Variants in VMP1 observed in about 807,000 individuals in gnomAD.
VMP1 encodes the protein vacuole membrane protein 1, also known as ectopic P-granules autophagy protein 3 homolog.
VMP1 carries 11 observed loss-of-function variants against 56.0 expected under a neutral mutation model. That is an observed-to-expected ratio of 0.20 (90% CI 0.12 to 0.32). The LOEUF (loss-of-function observed/expected upper bound fraction) is 0.32, where lower values mean the gene tolerates loss of function less well. VMP1 is among the 10% of genes least tolerant of loss of function. VMP1 has a pLI of 1.00. For synonymous variants in VMP1, 149 were observed against 165.0 expected (o/e 0.90, Z 0.74); for missense variants, 296 against 490.3 (o/e 0.60, Z 3.74).
rs569791439 is a variant in VMP1, at chr17:59,801,974, G to A, written c.715-6822G>A. On this transcript the variant is annotated intron_variant, in intron 7 of 11. Transcript: ENST00000262291. The stretch of plus-strand genomic sequence containing the variant: ...CCAGCACTTTGGGAGGCCAAGGTGG[G>A]CAGATCACTTGAGGTCAGGAGTTCG... Among the ~76,000 whole-genome samples, 100 of 152,200 alleles carry A rather than the reference G, an allele frequency of 6.6e-4. 1 individual carries two copies. The South Asian group carries it at 0.021, about 32-fold the overall frequency.
chr17:59,798,905 G>T lies in VMP1; in HGVS notation c.715-9891G>T, dbSNP rs571232450. ...CCGTCTCAAAAGAAAAAAATAAAAA[G>T]AAAAAGCAAGATGTAATTTGTTACC... On this transcript the variant is annotated intron_variant, in intron 7 of 11. Coordinates refer to ENST00000262291, the MANE Select transcript of VMP1 (RefSeq NM_030938.5). Among the ~76,000 whole-genome samples the T allele has an allele frequency of 1.1e-4, 17 of 152,176 alleles. No individual in the cohort carries two copies. In the South Asian group the frequency reaches 2.9e-3, roughly 26 times the overall value.
intron 5 of VMP1, among the ~76,000 whole-genome samples, chr17:59,762,734 AG>A (rs2036101679): frequency 6.6e-6 from 1 of 152,208 alleles, no homozygotes; most frequent in Non-Finnish European, 1.5e-5. Flanking sequence ...GTGAATGAAC[AG>A]ACTTCTTTAG....
chr17:59,814,290 T>G (rs1424160719), intron 9 of VMP1, among the ~76,000 whole-genome samples: 7 of 152,206 alleles, frequency 4.6e-5, no homozygotes, highest in Admixed American at 4.6e-4. Flanking sequence ...GAGTGATTTT[T>G]TTATGGAACT....
chr17:59,807,156 T>G (rs1161756969), intron 7 of VMP1, among the ~76,000 whole-genome samples: 1 of 151,976 alleles, frequency 6.6e-6, no homozygotes, highest in Non-Finnish European at 1.5e-5. Flanking sequence ...ACTTTGTTTC[T>G]CCTCTCTATG....
chr17:59,711,927 C>T (rs2033947351), intron 1 of VMP1, among the ~76,000 whole-genome samples: 1 of 152,162 alleles, frequency 6.6e-6, no homozygotes, highest in South Asian at 2.1e-4. Context: ...CCTGGAAGGA[C>T]TAGGCAGGTA....
At chr17:59,809,304 CTTTTTTTT>C (rs57274450) in intron 8 of VMP1, among the ~76,000 whole-genome samples, 10 of 33,430 alleles carry the variant, frequency 3.0e-4, no homozygotes, top group Non-Finnish European at 4.4e-4. Context: ...GCCCATTCAA[CTTTTTTTT>C]TTTTTTTTTT....
intron 9 of VMP1, among the ~76,000 whole-genome samples, chr17:59,814,114 G>A (rs1401409359): frequency 2.6e-5 from 4 of 152,110 alleles, no homozygotes; most frequent in Admixed American, 2.6e-4. Context: ...CAGAGTAAGT[G>A]GGACTACAGG....
intron 10 of VMP1, among the ~76,000 whole-genome samples, chr17:59,825,382 T>G (rs1238539888): frequency 6.6e-6 from 1 of 152,082 alleles, no homozygotes; most frequent in Non-Finnish European, 1.5e-5. Flanking sequence ...CTTTTTGTTT[T>G]TTTAATTACG....
chr17:59,750,301 A>T (rs2035589347), intron 5 of VMP1, among the ~76,000 whole-genome samples: 1 of 124,934 alleles, frequency 8.0e-6, no homozygotes, highest in Admixed American at 7.6e-5. Flanking sequence ...CACAATGAAT[A>T]ATTTTTTTTT....
intron 7 of VMP1, among the ~76,000 whole-genome samples, chr17:59,790,931 A>G (rs1268427987): frequency 6.6e-6 from 1 of 152,150 alleles, no homozygotes; most frequent in Non-Finnish European, 1.5e-5. Flanking sequence ...TAGAGAATGT[A>G]ATTATTCACT....
intron 5 of VMP1, among the ~76,000 whole-genome samples, chr17:59,749,313 T>C (rs1024093413): frequency 1.3e-5 from 2 of 151,840 alleles, no homozygotes; most frequent in Non-Finnish European, 1.5e-5. Flanking sequence ...AGTATTTGTA[T>C]ATATGTTTAA....
chr17:59,754,064 C>A (rs927171027), intron 5 of VMP1, among the ~76,000 whole-genome samples: 4 of 152,026 alleles, frequency 2.6e-5, no homozygotes, highest in Admixed American at 6.6e-5. Flanking sequence ...TTGTGAGATA[C>A]GTGCCCCTGT....
At chr17:59,751,627 C>A (rs1281966993) in intron 5 of VMP1, among the ~76,000 whole-genome samples, 1 of 141,994 alleles carries the variant, frequency 7.0e-6, no homozygotes, top group East Asian at 2.3e-4. Context: ...GCCTGTAATC[C>A]CAGCTACTTG....
chr17:59,828,033 A>G (rs1439606716), intron 10 of VMP1, among the ~76,000 whole-genome samples: 2 of 150,690 alleles, frequency 1.3e-5, no homozygotes, highest in African/African-American at 4.9e-5. Context: ...TTAAAAAAAA[A>G]AAAAAAAGCT....
chr17:59,824,642 G>GCAGATGGATTGGTTGAATTC, intron 10 of VMP1, among the ~76,000 whole-genome samples: 1 of 150,304 alleles, frequency 6.7e-6, no homozygotes, highest in Middle Eastern at 3.5e-3. Context: ...GGAGGCCGAG[G>GCAGATGGATTGGTTGAATTC]TGGGCGGATC....
At chr17:59,710,655 C>A (rs2033882695) in intron 1 of VMP1, among the ~76,000 whole-genome samples, 1 of 152,192 alleles carries the variant, frequency 6.6e-6, no homozygotes, top group Non-Finnish European at 1.5e-5. Flanking sequence ...CAGTTATATT[C>A]TTCAGAATAG....
intron 5 of VMP1, among the ~76,000 whole-genome samples, chr17:59,753,251 G>A (rs759333932): frequency 6.6e-6 from 1 of 151,718 alleles, no homozygotes. Flanking sequence ...TAGCCTGGGC[G>A]ACAGAATGAG....
chr17:59,742,522 C>T lies in VMP1; in HGVS notation c.414+3575C>T, dbSNP rs865987363. 2.9e-4 allele frequency among the ~76,000 whole-genome samples: 41 copies of T among 142,942 alleles called. No homozygotes were observed. The South Asian group carries it at 2.9e-3, about 10-fold the overall frequency. The allele number at this position is 142,942 out of a possible 152,430, so 93.8% of individuals were successfully genotyped here. On this transcript the variant is annotated intron_variant, in intron 5 of 11. Coordinates refer to ENST00000262291, the MANE Select transcript of VMP1 (RefSeq NM_030938.5). Reference sequence around the variant, plus strand: ...ACAGAGCAAAACCCTGTCTCAAAAACAATAATAATAATAATAATAATAATA... The same window carrying T: ...ACAGAGCAAAACCCTGTCTCAAAAATAATAATAATAATAATAATAATAATA...
intron 5 of VMP1, among the ~76,000 whole-genome samples, chr17:59,740,818 T>C (rs2035199639): frequency 6.6e-6 from 1 of 152,242 alleles, no homozygotes; most frequent in Non-Finnish European, 1.5e-5. Context: ...CTCATATTCC[T>C]TGGGAAAACC....
Sources: allele counts gnomAD v4.1 joint callset (sites outside exome capture counted in the v4.1 genomes callset), GRCh38; gene constraint gnomAD v4.1.1; transcripts MANE v1.5; gene names NCBI Gene and HGNC (gene_info 2026-07-23, HGNC 2026-07-21).